CATSPER4: variants seen among roughly 807,000 people sequenced by gnomAD.
The protein encoded by CATSPER4 is cation channel sperm-associated protein 4.
CATSPER4 carries 46 observed loss-of-function variants against 54.4 expected under a neutral mutation model. The ratio of observed to expected loss-of-function variants is 0.84; its 90% CI spans 0.67 to 1.08. The LOEUF (loss-of-function observed/expected upper bound fraction) is 1.08. Among genes scored for constraint, CATSPER4 ranks in the 50% least tolerant of loss-of-function variants. The pLI, the probability that CATSPER4 is intolerant of heterozygous loss-of-function variation, is 0.00. For synonymous variants in CATSPER4, 230 were observed against 231.9 expected (o/e 0.99, Z 0.08); for missense variants, 574 against 612.8 (o/e 0.94, Z 0.67).
intron 8 of CATSPER4, 144 bp downstream of exon 8, chr1:26,201,185 T>C: frequency 1.1e-6 from 1 of 947,372 alleles, no homozygotes; most frequent in Non-Finnish European, 1.7e-6. Flanking sequence ...GTGGAGGAAC[T>C]GGAATCCAGA....
intron 5 of CATSPER4, 71 bp downstream of exon 5, chr1:26,198,148 G>T: frequency 1.2e-6 from 2 of 1,613,914 alleles, no homozygotes; most frequent in Non-Finnish European, 1.7e-6. Flanking sequence ...GCAAATAGAG[G>T]GGTGTCTGGA....
intron 3 of CATSPER4, among the ~76,000 whole-genome samples, chr1:26,196,909 C>CTTTGTTTTTTTTTTTTT (rs1557630799): frequency 1.0e-5 from 1 of 97,244 alleles, no homozygotes. Context: ...TCTTTCTTTT[C>CTTTGTTTTTTTTTTTTT]TTTCTTTTTT....
At chr1:26,196,828 C>T (rs2088943959) in intron 3 of CATSPER4, among the ~76,000 whole-genome samples, 1 of 151,978 alleles carries the variant, frequency 6.6e-6, no homozygotes, top group Admixed American at 6.6e-5. Context: ...GAGTTTCCTT[C>T]TCCTCCCCAT....
At chr1:26,197,199 C>T (rs1448921060) in intron 3 of CATSPER4, among the ~76,000 whole-genome samples, 2 of 152,220 alleles carry the variant, frequency 1.3e-5, no homozygotes. Context: ...AGCCATCGCG[C>T]CTGGCCCGCC....
At position 26,199,839 on chromosome 1, in the gene CATSPER4, T is replaced by A. The variant is rs1569909965; in HGVS notation, c.813-45T>A. On this transcript the variant is annotated intron_variant, in intron 6 of 9. Coordinates refer to ENST00000456354, the MANE Select transcript of CATSPER4 (RefSeq NM_198137.2). ...ATTTCAATGACAAGGAAACTCAGGC[T>A]TGAAGGGCCAGGGAAATGATGGGGC... 1.9e-6 allele frequency: 3 copies of A among 1,606,730 alleles called. No homozygotes were observed. The Admixed American group carries it at 5.0e-5, about 27-fold the overall frequency.
chr1:26,196,935 T>TG lies in CATSPER4; in HGVS notation c.460-751_460-750insG, dbSNP rs1553155285. 2.9e-4 allele frequency among the ~76,000 whole-genome samples: 2 copies of TG among 6,954 alleles called. 1 individual carries two copies. Among genetic ancestry groups the TG allele is most frequent in the Non-Finnish European group, 1.9e-3 (2 of 1,068 alleles). 4.6% of individuals were successfully genotyped at this position (6,954 alleles called of 152,430 possible). On this transcript the variant is annotated intron_variant, in intron 3 of 9. Coordinates refer to ENST00000456354, the MANE Select transcript of CATSPER4 (RefSeq NM_198137.2). ...TTTCTTTTTTTTTTTTTTTTGAGATTATCACTCTGTCACCCAGGCTGGAGT... is the reference window on the plus strand; with the variant it reads ...TTTCTTTTTTTTTTTTTTTTGAGATTGATCACTCTGTCACCCAGGCTGGAGT...
chr1:26,201,816 A>G (rs2089012465), intron 9 of CATSPER4, among the ~76,000 whole-genome samples: 1 of 150,138 alleles, frequency 6.7e-6, no homozygotes, highest in African/African-American at 2.4e-5. Context: ...CAGCCTCCCA[A>G]GTAGCTGGGA....
intron 3 of CATSPER4, 80 bp downstream of exon 3, chr1:26,193,968 C>A (rs1301379354): frequency 5.4e-6 from 5 of 931,030 alleles, no homozygotes; most frequent in East Asian, 2.4e-5. Context: ...CCTGGCCCTA[C>A]AAACTGAGGG....
At chr1:26,197,062 C>A (rs1473960534) in intron 3 of CATSPER4, among the ~76,000 whole-genome samples, 1 of 152,038 alleles carries the variant, frequency 6.6e-6, no homozygotes, top group Non-Finnish European at 1.5e-5. Flanking sequence ...CACGTGCCAC[C>A]ATGCCCAGAT....
rs2089019023 is a variant in CATSPER4, at chr1:26,202,491, T to C, written c.1368T>C (p.Val456=). 1 of 1,611,520 alleles carries C rather than the reference T, an allele frequency of 6.2e-7. No individual in the cohort carries two copies. Among genetic ancestry groups the C allele is most frequent in the Non-Finnish European group, 8.5e-7 (1 of 1,179,008 alleles). The change falls in exon 10 of 10, where the codon GTT becomes GTC. Residue 456 remains valine, a splice_region_variant and synonymous_variant. Coordinates refer to ENST00000456354, the MANE Select transcript of CATSPER4 (RefSeq NM_198137.2). The part of the protein sequence containing the change: ...LLSALVSMEK[V]HDSSSQILLK... ...CAAGAAGACCTCTTGGTTTGCAGGT[T>C]CATGACTCTAGCTCACAAATACTCC...
Position 26,202,765 on chromosome 1 carries a change from G to T in CATSPER4, c.*223G>T. The T allele has an allele frequency of 1.7e-6, 1 of 599,936 alleles. No homozygotes were observed. The highest frequency in any genetic ancestry group is 2.0e-5 in the South Asian group (1 of 50,892). 37.2% of individuals were successfully genotyped at this position (599,936 alleles called of 1,614,324 possible). A position where few individuals can be genotyped will look rare whatever the true frequency, so the allele number is the denominator to read the frequency against. On this transcript the variant is annotated 3_prime_UTR_variant, in exon 10 of 10. Transcript: ENST00000456354. ...AGGAGGATGCTGGATGATGAGAGTG[G>T]GAACCCTAGCAGCAAGGATGAGCAC...
intron 2 of CATSPER4, 116 bp downstream of exon 2, chr1:26,191,546 G>C: frequency 2.5e-6 from 3 of 1,214,008 alleles, no homozygotes; most frequent in Admixed American, 2.0e-5. Flanking sequence ...TGCTCTTCAA[G>C]GGTCTGTCAG....
At position 26,191,273 on chromosome 1, in the gene CATSPER4, C is replaced by T; in HGVS notation, c.214-14C>T. 1 of 1,613,914 alleles carries T rather than the reference C, an allele frequency of 6.2e-7. No homozygotes were observed. The stretch of plus-strand genomic sequence containing the variant: ...GGTGACACCTGCCTGAAGGAAGGTC[C>T]TGCCCTCTTCCAGGACGCCTGGGAC... On this transcript the variant is annotated splice_polypyrimidine_tract_variant and intron_variant, in intron 1 of 9. Coordinates refer to ENST00000456354, the MANE Select transcript of CATSPER4 (RefSeq NM_198137.2).
At chr1:26,199,176 A>G (rs7517584) in intron 6 of CATSPER4, among the ~76,000 whole-genome samples, 127,573 of 152,024 alleles carry the variant, frequency 0.84, 54,560 homozygotes, top group Non-Finnish European at 0.9. Context: ...AGTGGCTCAC[A>G]CCTGTAATCC....
In CATSPER4 at chr1:26,200,837, C is replaced by A; in HGVS notation, c.995C>A (p.Ala332Glu). 1.2e-6 allele frequency: 2 copies of A among 1,613,590 alleles called. No individual in the cohort carries two copies. The highest frequency in any genetic ancestry group is 1.7e-6 in the Non-Finnish European group (2 of 1,179,574). Residue 332 changes from alanine to glutamate, a missense_variant, in exon 8 of 10, where the codon GCA becomes GAA. Transcript: ENST00000456354. The part of the protein sequence containing the change: ...QQRITFSETG[A>E]EEEEENDQLP... The stretch of plus-strand genomic sequence containing the variant: ...CTATCCCCCGCTTCCCAGACAGGCG[C>A]AGAGGAAGAGGAGGAGAATGACCAG...
Position 26,191,355 on chromosome 1 carries a change from C to T in CATSPER4, c.282C>T (p.Phe94=). ...YIKQLLRHPA[F]QLLLALLLVI... ...AGCAGCTGCTCCGACACCCCGCCTT[C>T]CAACTGCTGCTGGCCCTGCTGCTGG... is the stretch of plus-strand genomic sequence containing the variant. Residue 94 remains phenylalanine (F), a synonymous_variant, in exon 2 of 10, where the codon TTC becomes TTT. Transcript: ENST00000456354. 1 of 1,614,222 alleles carries T rather than the reference C, an allele frequency of 6.2e-7. No homozygotes were observed. The highest frequency in any genetic ancestry group is 1.1e-5 in the South Asian group (1 of 91,090).
chr1:26,201,073 C>G (rs1208355249), intron 8 of CATSPER4, 32 bp downstream of exon 8: 1 of 1,536,862 alleles, frequency 6.5e-7, no homozygotes, highest in Non-Finnish European at 9.0e-7. Context: ...GCCCCCAAGT[C>G]ATGTGAGTCA....
At position 26,202,516 on chromosome 1, in the gene CATSPER4, C is replaced by T. The variant is rs1270067512; in HGVS notation, c.1393C>T (p.Leu465Phe). The T allele has an allele frequency of 1.4e-5, 23 of 1,611,666 alleles. No homozygotes were observed. The highest frequency in any genetic ancestry group is 1.9e-5 in the Non-Finnish European group (22 of 1,178,954). Residue 465 changes from leucine (L) to phenylalanine (F), a missense_variant, in exon 10 of 10, where the codon CTT becomes TTT. Coordinates refer to ENST00000456354, the MANE Select transcript of CATSPER4 (RefSeq NM_198137.2). ...KVHDSSSQIL[L>F]KKHKSSH ...TCATGACTCTAGCTCACAAATACTC[C>T]TTAAAAAACACAAGAGCAGCCACTG...
Position 26,202,861 on chromosome 1 carries a change from C to T in CATSPER4, c.*319C>T. The T allele has an allele frequency of 2.3e-6, 1 of 438,956 alleles. No homozygotes were observed. The highest frequency in any genetic ancestry group is 2.6e-5 in the South Asian group (1 of 37,864). The allele number at this position is 438,956 out of a possible 1,614,324, so 27.2% of individuals were successfully genotyped here. On this transcript the variant is annotated 3_prime_UTR_variant, in exon 10 of 10. Transcript: ENST00000456354. Reference sequence around the variant, plus strand: ...GGGATCCCTGGCCCCCTGCTCTTGCCCAGAGCTGGTGGGGGGCCTCAGTGG... The same window carrying T: ...GGGATCCCTGGCCCCCTGCTCTTGCTCAGAGCTGGTGGGGGGCCTCAGTGG...
Sources: gnomAD v4.1 joint callset for allele counts (sites outside exome capture counted in the v4.1 genomes callset) on GRCh38, gnomAD v4.1.1 for gene constraint, MANE v1.5 for transcripts, NCBI Gene and HGNC (gene_info 2026-07-23, HGNC 2026-07-21) for gene names.